Variants in LRBA observed in about 807,000 individuals in gnomAD.
LRBA encodes lipopolysaccharide-responsive and beige-like anchor protein.
LRBA carries 176 observed loss-of-function variants against 330.0 expected under a neutral mutation model. The observed-to-expected ratio is 0.53, with a 90% confidence interval of 0.47 to 0.60. LRBA has a LOEUF of 0.60. Ranked by LOEUF, LRBA falls within the 20% of genes least tolerant of loss-of-function variation. The pLI, the probability that LRBA is intolerant of heterozygous loss-of-function variation, is 0.00. For synonymous variants in LRBA, 1,230 were observed against 1,193.0 expected (o/e 1.03, Z -0.64); for missense variants, 3,259 against 3,444.8 (o/e 0.95, Z 1.35).
intron 55 of LRBA, 135 bp from the exon 56 acceptor site, chr4:150,278,139 A>G: frequency 5.7e-6 from 4 of 701,822 alleles, no homozygotes; most frequent in Non-Finnish European, 6.8e-6. Flanking sequence ...GTTTTTAGAA[A>G]ATCGTGAGTT....
At chr4:150,501,157 C>T (rs1474635550) in intron 40 of LRBA, among the ~76,000 whole-genome samples, 1 of 152,136 alleles carries the variant, frequency 6.6e-6, no homozygotes, top group African/African-American at 2.4e-5. Context: ...CATTGCGTAA[C>T]TCCATATTGT....
chr4:150,469,635 G>C (rs1312715834), intron 43 of LRBA, among the ~76,000 whole-genome samples: 1 of 151,948 alleles, frequency 6.6e-6, no homozygotes, highest in Non-Finnish European at 1.5e-5. Flanking sequence ...CTTTTCCTCA[G>C]CTGACTGTGA....
At chr4:150,305,516 T>C (rs1730248094) in intron 52 of LRBA, among the ~76,000 whole-genome samples, 1 of 152,200 alleles carries the variant, frequency 6.6e-6, no homozygotes, top group Non-Finnish European at 1.5e-5. Context: ...ACATGGTCCC[T>C]GCCCTCATAG....
intron 2 of LRBA, among the ~76,000 whole-genome samples, chr4:150,966,088 A>G (rs1246905628): frequency 6.6e-6 from 1 of 152,216 alleles, no homozygotes; most frequent in Non-Finnish European, 1.5e-5. Flanking sequence ...TGTTTTGTAC[A>G]TGATCCATCT....
chr4:150,361,246 G>A (rs1280634006), intron 47 of LRBA, among the ~76,000 whole-genome samples: 4 of 152,066 alleles, frequency 2.6e-5, no homozygotes, highest in Admixed American at 2.0e-4. Flanking sequence ...CTGCATTTTC[G>A]ATTAAATAAT....
At chr4:150,884,436 G>A (rs76192899) in intron 17 of LRBA, among the ~76,000 whole-genome samples, 2,990 of 152,300 alleles carry the variant, frequency 0.02, 40 homozygotes, top group Middle Eastern at 0.065. Context: ...AGGCAAGAGA[G>A]ACTAGATAAG....
chr4:150,293,945 T>C (rs1728652766), intron 53 of LRBA, among the ~76,000 whole-genome samples: 1 of 152,238 alleles, frequency 6.6e-6, no homozygotes, highest in Non-Finnish European at 1.5e-5. Context: ...TAGCTTACTT[T>C]ATTATAAGAA....
chr4:150,476,311 T>C (rs910462183), intron 42 of LRBA, among the ~76,000 whole-genome samples: 5 of 152,178 alleles, frequency 3.3e-5, no homozygotes, highest in African/African-American at 7.2e-5. Context: ...GATATAAGCA[T>C]CCAAATTAGT....
chr4:150,636,986 G>A (rs1234724451), intron 37 of LRBA, among the ~76,000 whole-genome samples: 3 of 152,078 alleles, frequency 2.0e-5, no homozygotes, highest in Non-Finnish European at 4.4e-5. Flanking sequence ...GTCTAGAAGG[G>A]ACTAGACTAA....
intron 40 of LRBA, among the ~76,000 whole-genome samples, chr4:150,554,226 T>A (rs1273357279): frequency 6.7e-6 from 1 of 148,744 alleles, no homozygotes; most frequent in Non-Finnish European, 1.5e-5. Context: ...CATCCCCATA[T>A]CTGTAACTTT....
chr4:150,525,609 C>T (rs1166694105), intron 40 of LRBA, among the ~76,000 whole-genome samples: 2 of 152,118 alleles, frequency 1.3e-5, no homozygotes, highest in South Asian at 2.1e-4. Context: ...TAGAGAGTTA[C>T]AATATCATCA....
chr4:150,346,486 G>T (rs557430051), intron 48 of LRBA, among the ~76,000 whole-genome samples: 196 of 151,966 alleles, frequency 1.3e-3, no homozygotes, highest in African/African-American at 4.5e-3. Context: ...CTGTGGCCGG[G>T]TGCGGTGGCT....
rs1412289242 is a variant in LRBA, at chr4:150,264,743, A to AAAAGT, written c.*974_*978dup. The AAAAGT allele has an allele frequency of 2.0e-5, 3 of 152,700 alleles. No homozygotes were observed. Among genetic ancestry groups the AAAAGT allele is most frequent in the Admixed American group, 6.5e-5 (1 of 15,290 alleles). The allele number at this position is 152,700 out of a possible 1,614,324, so 9.5% of individuals were successfully genotyped here. A position where few individuals can be genotyped will look rare whatever the true frequency, so the allele number is the denominator to read the frequency against. On this transcript the variant is annotated 3_prime_UTR_variant, in exon 57 of 57. Transcript: ENST00000651943. The stretch of plus-strand genomic sequence containing the variant: ...AGAATTCCACACAGTAATCTACTAG[A>AAAAGT]AAAGTAGAATTATACACCACCAAAT...
rs149118134 is a variant in LRBA, at chr4:150,662,639, T to C, written c.5921+20912A>G. Among the ~76,000 whole-genome samples the C allele has an allele frequency of 4.6e-3, 703 of 152,292 alleles. 3 individuals are homozygous for C. The highest frequency in any genetic ancestry group is 7.6e-3 in the Non-Finnish European group (515 of 68,026). On this transcript the variant is annotated intron_variant, in intron 37 of 56. Transcript: ENST00000651943. The stretch of plus-strand genomic sequence containing the variant: ...GTGAAAGTGTAAGATAAGAACACTA[T>C]TGGATAACAAAGATGAGTATATTTC...
chr4:150,507,146 T>C (rs572845722), intron 40 of LRBA, among the ~76,000 whole-genome samples: 98 of 151,510 alleles, frequency 6.5e-4, no homozygotes, highest in African/African-American at 2.0e-3. Context: ...AAAATGGCCA[T>C]ACTGCCCAAG....
intron 54 of LRBA, among the ~76,000 whole-genome samples, chr4:150,285,503 C>T (rs551516957): frequency 7.7e-4 from 117 of 152,332 alleles, no homozygotes; most frequent in African/African-American, 2.7e-3. Flanking sequence ...GGCTTCCATT[C>T]AGATATAAGA....
At chr4:150,658,917 C>G (rs1468981867) in intron 37 of LRBA, among the ~76,000 whole-genome samples, 2 of 38,154 alleles carry the variant, frequency 5.2e-5, no homozygotes, top group African/African-American at 8.2e-5. Context: ...CAGGGTTTCG[C>G]TGTGTTGGCC....
chr4:150,941,468 T>C (rs962164534), intron 2 of LRBA, among the ~76,000 whole-genome samples: 1 of 152,220 alleles, frequency 6.6e-6, no homozygotes, highest in African/African-American at 2.4e-5. Context: ...ATATTTTTTA[T>C]TGTGAAATGT....
intron 48 of LRBA, among the ~76,000 whole-genome samples, chr4:150,328,105 C>T (rs1213149711): frequency 6.6e-6 from 1 of 151,846 alleles, no homozygotes; most frequent in African/African-American, 2.4e-5. Context: ...TGACTTTGAG[C>T]AATAAAGAAA....
Sources: allele counts gnomAD v4.1 joint callset (sites outside exome capture counted in the v4.1 genomes callset), GRCh38; gene constraint gnomAD v4.1.1; transcripts MANE v1.5; gene names NCBI Gene and HGNC (gene_info 2026-07-23, HGNC 2026-07-21).